RAPGEF2: variants seen among roughly 807,000 people sequenced by gnomAD.
The protein encoded by RAPGEF2 is PDZ domain containing guanine nucleotide exchange factor (GEF) 1.
In RAPGEF2, 54 loss-of-function variants were observed where a neutral mutation model predicts 186.7. That is an observed-to-expected ratio of 0.29 (90% CI 0.23 to 0.36). The LOEUF is 0.36. RAPGEF2 is among the 10% of genes least tolerant of loss of function. The pLI is 1.00. For missense variants in RAPGEF2, 1,532 were observed against 2,045.0 expected (o/e 0.75, Z 4.84); for synonymous variants, 712 against 705.9 (o/e 1.01, Z -0.14).
At chr4:159,148,018 T>C (rs1290143880) in intron 1 of RAPGEF2, among the ~76,000 whole-genome samples, 1 of 152,224 alleles carries the variant, frequency 6.6e-6, no homozygotes, top group African/African-American at 2.4e-5. Flanking sequence ...CCTATTCATA[T>C]TTAAAATTTT....
chr4:159,145,698 G>A (rs1159863879), intron 1 of RAPGEF2, among the ~76,000 whole-genome samples: 2 of 152,206 alleles, frequency 1.3e-5, no homozygotes, highest in Non-Finnish European at 2.9e-5. Context: ...GATAGTGCAG[G>A]TATAGAAAAT....
chr4:159,327,696 T>G (rs1285607932), intron 11 of RAPGEF2: 1 of 151,932 alleles, frequency 6.6e-6, no homozygotes, highest in African/African-American at 2.4e-5. Flanking sequence ...GACTTCATCA[T>G]ATTAGTTAAA....
At chr4:159,144,410 C>G (rs1742678603) in intron 1 of RAPGEF2, among the ~76,000 whole-genome samples, 1 of 152,166 alleles carries the variant, frequency 6.6e-6, no homozygotes, top group Non-Finnish European at 1.5e-5. Flanking sequence ...TTCTTCAGTT[C>G]CATTTGTTCC....
At chr4:159,163,014 C>T (rs767062954) in intron 1 of RAPGEF2, among the ~76,000 whole-genome samples, 2 of 152,004 alleles carry the variant, frequency 1.3e-5, no homozygotes, top group Admixed American at 6.5e-5. Context: ...ACACCTGTTC[C>T]AAAAAGGAGT....
chr4:159,122,057 A>G (rs1739753267), intron 1 of RAPGEF2, among the ~76,000 whole-genome samples: 1 of 151,174 alleles, frequency 6.6e-6, no homozygotes, highest in African/African-American at 2.4e-5. Flanking sequence ...AAAAAAAAAA[A>G]AAAAATACAG....
intron 1 of RAPGEF2, among the ~76,000 whole-genome samples, chr4:159,118,122 A>AG (rs1739252203): frequency 6.6e-6 from 1 of 152,234 alleles, no homozygotes; most frequent in Non-Finnish European, 1.5e-5. Flanking sequence ...ACCAGGCCAT[A>AG]CAGCAGGAAG....
chr4:159,340,667 C>CCAAACA (rs1554040734), intron 19 of RAPGEF2, among the ~76,000 whole-genome samples: 3 of 76,846 alleles, frequency 3.9e-5, no homozygotes, highest in African/African-American at 1.6e-4. Flanking sequence ...ACCACCATCA[C>CCAAACA]CACACACACA....
chr4:159,240,212 C>G (rs1310977348), intron 5 of RAPGEF2, among the ~76,000 whole-genome samples: 1 of 152,002 alleles, frequency 6.6e-6, no homozygotes, highest in East Asian at 1.9e-4. Context: ...ACTACACAAA[C>G]TACTAGGTTT....
chr4:159,127,280 G>T (rs1407120013), intron 1 of RAPGEF2, among the ~76,000 whole-genome samples: 2 of 152,132 alleles, frequency 1.3e-5, no homozygotes, highest in East Asian at 3.8e-4. Flanking sequence ...GCCTGCCTTG[G>T]CCTCCCAAAG....
At chr4:159,286,120 A>G (rs1022212141) in intron 7 of RAPGEF2, among the ~76,000 whole-genome samples, 1 of 146,418 alleles carries the variant, frequency 6.8e-6, no homozygotes, top group East Asian at 2.1e-4. Context: ...CATGCAGTCA[A>G]CAAACTATTA....
At chr4:159,170,690 A>T (rs1430256735) in intron 1 of RAPGEF2, among the ~76,000 whole-genome samples, 1 of 152,150 alleles carries the variant, frequency 6.6e-6, no homozygotes, top group African/African-American at 2.4e-5. Context: ...TCTTGGCTAT[A>T]CAGAAACTTT....
At chr4:159,302,395 T>C (rs997383779) in intron 7 of RAPGEF2, among the ~76,000 whole-genome samples, 8 of 152,240 alleles carry the variant, frequency 5.3e-5, no homozygotes, top group Non-Finnish European at 1.0e-4. Context: ...CTGTAAAAGA[T>C]AATCAATAGA....
intron 8 of RAPGEF2, among the ~76,000 whole-genome samples, chr4:159,314,116 A>G (rs1294338800): frequency 6.6e-6 from 1 of 152,182 alleles, no homozygotes; most frequent in Non-Finnish European, 1.5e-5. Context: ...TCGTTTGCAT[A>G]TTTATCAAGT....
chr4:159,328,676 A>G (rs893992657), intron 11 of RAPGEF2: 1 of 152,196 alleles, frequency 6.6e-6, no homozygotes. Context: ...TTTGATGTGC[A>G]TGTATAATTT....
intron 1 of RAPGEF2, among the ~76,000 whole-genome samples, chr4:159,114,160 G>A (rs1738796816): frequency 6.6e-6 from 1 of 150,836 alleles, no homozygotes; most frequent in Non-Finnish European, 1.5e-5. Context: ...GAATGCAGTG[G>A]CACGATCTCA....
chr4:159,308,194 T>C (rs563334230), intron 8 of RAPGEF2, among the ~76,000 whole-genome samples: 2 of 152,336 alleles, frequency 1.3e-5, no homozygotes, highest in South Asian at 4.1e-4. Context: ...TATCTGGCTT[T>C]ATCTTTGGGT....
chr4:159,335,197 G>A (rs1399080311), intron 17 of RAPGEF2, among the ~76,000 whole-genome samples: 3 of 152,244 alleles, frequency 2.0e-5, no homozygotes, highest in East Asian at 1.9e-4. Context: ...AGGCACAATC[G>A]GGTGATGTGC....
rs771675701 is a variant in RAPGEF2 at position 159,323,510 on chromosome 4, G to C, written c.1042G>C (p.Asp348His). Reference sequence around the variant, plus strand: ...TGGATCTGTGGAAGTGACTTATCCAGATGGAAAAGCAGAAATACTGTGCAT... The same window carrying C: ...TGGATCTGTGGAAGTGACTTATCCACATGGAAAAGCAGAAATACTGTGCAT... Reference protein sequence around the residue: ...LNGSVEVTYPDGKAEILCMGN... With the variant: ...LNGSVEVTYPHGKAEILCMGN... The change falls in exon 11 of 30, where the codon GAT becomes CAT. Residue 348 changes from aspartate (D) to histidine (H), a missense_variant. Transcript: ENST00000691494. 2.5e-6 allele frequency: 4 copies of C among 1,612,898 alleles called. No homozygotes were observed. The highest frequency in any genetic ancestry group is 1.7e-5 in the Admixed American group (1 of 59,880).
chr4:159,331,372 A>T, intron 13 of RAPGEF2, 59 bp from the exon 14 acceptor site: 1 of 1,019,030 alleles, frequency 9.8e-7, no homozygotes, highest in Non-Finnish European at 1.5e-6. Context: ...TTCTGGAATG[A>T]TTTTAATCAC....
Sources: allele counts gnomAD v4.1 joint callset (sites outside exome capture counted in the v4.1 genomes callset), GRCh38; gene constraint gnomAD v4.1.1; transcripts MANE v1.5; gene names NCBI Gene and HGNC (gene_info 2026-07-23, HGNC 2026-07-21).